Variants in RAB40C observed in about 807,000 individuals in gnomAD.
RAB40C encodes the protein RAB40C, member RAS oncogene family.
A neutral mutation model predicts 28.1 loss-of-function variants in RAB40C; 8 were observed. The ratio of observed to expected loss-of-function variants is 0.28; its 90% CI spans 0.17 to 0.51. The LOEUF (loss-of-function observed/expected upper bound fraction) is 0.51, where lower values mean the gene tolerates loss of function less well. Ranked by LOEUF, RAB40C falls within the 20% of genes least tolerant of loss-of-function variation. The pLI is 0.97. For missense variants in RAB40C, 288 were observed against 405.9 expected, an observed-to-expected ratio of 0.71 and a Z score of 2.50; for synonymous variants, 201 against 171.7, an observed-to-expected ratio of 1.17 and a Z score of -1.34.
At chr16:618,832 C>T (rs1277508737) in intron 3 of RAB40C, among the ~76,000 whole-genome samples, 4 of 109,148 alleles carry the variant, frequency 3.7e-5, no homozygotes. Flanking sequence ...TGGGTGCACT[C>T]GGCCATGTGT....
intron 3 of RAB40C, among the ~76,000 whole-genome samples, chr16:622,796 G>A (rs1346946007): frequency 6.6e-6 from 1 of 152,182 alleles, no homozygotes; most frequent in African/African-American, 2.4e-5. Context: ...GAGCCACGGC[G>A]CCTGGCCGAA....
chr16:604,825 C>T (rs2036326911), intron 1 of RAB40C, among the ~76,000 whole-genome samples: 1 of 152,068 alleles, frequency 6.6e-6, no homozygotes, highest in Non-Finnish European at 1.5e-5. Flanking sequence ...TTTGGGAGGC[C>T]GAGGCAGGCA....
chr16:618,028 C>T (rs1184646531), intron 2 of RAB40C, among the ~76,000 whole-genome samples, 172 bp from the exon 3 acceptor site: 3 of 152,146 alleles, frequency 2.0e-5, no homozygotes, highest in South Asian at 2.1e-4. Flanking sequence ...AGCGGCACGG[C>T]GCCAGGCTGC....
chr16:596,592 G>A (rs2036130369), intron 1 of RAB40C: 2 of 321,598 alleles, frequency 6.2e-6, no homozygotes, highest in Admixed American at 4.7e-5. Context: ...ACCACTGTGA[G>A]AAGGCGGGGA....
intron 1 of RAB40C, 85 bp downstream of exon 1, chr16:590,518 T>G: frequency 7.3e-7 from 1 of 1,372,914 alleles, no homozygotes. Context: ...GCCCGGCCCT[T>G]CCAAGCGCCG....
Position 618,254 on chromosome 16 carries a change from C to T in RAB40C, c.258C>T (p.Gly86=), listed in dbSNP as rs369597956. ...CCATCTTCAGGTCCTACTCCAGGGG[C>T]GCTCAGGTAAGACCAGCACCGCTCT... ...FCTIFRSYSR[G]AQGILLVYDI... is the part of the protein sequence containing the mutation. The change falls in exon 3 of 6, where the codon GGC becomes GGT. Residue 86 remains glycine, a synonymous_variant. Coordinates refer to ENST00000248139, the MANE Select transcript of RAB40C (RefSeq NM_021168.5). 4.1e-5 allele frequency: 66 copies of T among 1,613,014 alleles called. No individual in the cohort carries two copies. In the African/African-American group the frequency reaches 6.5e-4, roughly 16 times the overall value.
At chr16:618,400 T>A in intron 3 of RAB40C, 140 bp downstream of exon 3, 1 of 941,618 alleles carries the variant, frequency 1.1e-6, no homozygotes, top group Non-Finnish European at 1.5e-6. Flanking sequence ...TGTTTATTTG[T>A]TTGTTTTGAG....
intron 1 of RAB40C, among the ~76,000 whole-genome samples, chr16:596,617 C>G (rs1259573714): frequency 1.3e-5 from 2 of 152,246 alleles, no homozygotes; most frequent in African/African-American, 4.8e-5. Flanking sequence ...GCTTGTCAGG[C>G]TGAGCTGACT....
intron 1 of RAB40C, among the ~76,000 whole-genome samples, chr16:614,031 C>G (rs1330462746): frequency 6.6e-6 from 1 of 152,168 alleles, no homozygotes; most frequent in Admixed American, 6.5e-5. Context: ...AACTGCCTAA[C>G]TCTACCGCGT....
At chr16:592,737 G>T (rs1487942500) in intron 1 of RAB40C, among the ~76,000 whole-genome samples, 1 of 152,244 alleles carries the variant, frequency 6.6e-6, no homozygotes, top group African/African-American at 2.4e-5. Flanking sequence ...TTCATCAATC[G>T]GTGTTTTCCC....
At chr16:615,983 T>C (rs2151074826) in intron 1 of RAB40C, among the ~76,000 whole-genome samples, 1 of 151,336 alleles carries the variant, frequency 6.6e-6, no homozygotes, top group East Asian at 2.0e-4. Flanking sequence ...AAAGGCCGGG[T>C]GCAGTGGCTC....
At chr16:622,944 C>T (rs746224969) in intron 3 of RAB40C, among the ~76,000 whole-genome samples, 4 of 152,188 alleles carry the variant, frequency 2.6e-5, no homozygotes, top group Non-Finnish European at 5.9e-5. Flanking sequence ...TGCTGGTCAC[C>T]GAGAGTCTCC....
In RAB40C at chr16:590,189, C is replaced by T; in HGVS notation, c.-103C>T. 4.6e-6 allele frequency: 4 copies of T among 875,432 alleles called. No individual in the cohort carries two copies. Among genetic ancestry groups the T allele is most frequent in the Non-Finnish European group, 5.6e-6 (4 of 713,694 alleles). The allele number at this position is 875,432 out of a possible 1,614,324, so 54.2% of individuals were successfully genotyped here. The stretch of plus-strand genomic sequence containing the variant: ...GCGCGCCCACTCGGCCGCCGTGGGG[C>T]GGACGCAACGGGCGCAGGTGCGGGG... On this transcript the variant is annotated 5_prime_UTR_variant, in exon 1 of 6. Coordinates refer to ENST00000248139, the MANE Select transcript of RAB40C (RefSeq NM_021168.5).
intron 3 of RAB40C, among the ~76,000 whole-genome samples, chr16:621,998 A>G (rs1024934708): frequency 2.0e-5 from 3 of 152,154 alleles, no homozygotes; most frequent in Non-Finnish European, 2.9e-5. Context: ...GCCTGGGTGC[A>G]GGGATGCAGG....
chr16:617,151 C>T (rs578202840), intron 1 of RAB40C, 57 bp from the exon 2 acceptor site: 60 of 1,586,544 alleles, frequency 3.8e-5, no homozygotes, highest in Non-Finnish European at 4.8e-5. Context: ...AGGCTGGTCT[C>T]GCGGGCGCTC....
intron 3 of RAB40C, among the ~76,000 whole-genome samples, chr16:620,778 C>T (rs1308848824): frequency 8.7e-6 from 1 of 115,300 alleles, no homozygotes; most frequent in South Asian, 3.2e-4. Context: ...CGGGCTCCAC[C>T]GCGGGCATCC....
chr16:617,123 C>T, intron 1 of RAB40C, 85 bp from the exon 2 acceptor site: 1 of 1,435,732 alleles, frequency 7.0e-7, no homozygotes, highest in Non-Finnish European at 9.8e-7. Flanking sequence ...GGTCTTGGCC[C>T]TGGGAGGCCA....
intron 3 of RAB40C, among the ~76,000 whole-genome samples, chr16:620,693 C>CG (rs1330795287): frequency 1.3e-4 from 11 of 82,658 alleles, no homozygotes; most frequent in Non-Finnish European, 1.4e-4. Flanking sequence ...CCCAGCCCCC[C>CG]CCGATGGGCT....
At chr16:618,459 G>A (rs1047520589) in intron 3 of RAB40C, among the ~76,000 whole-genome samples, 199 bp downstream of exon 3, 4 of 152,206 alleles carry the variant, frequency 2.6e-5, no homozygotes, top group South Asian at 2.1e-4. Context: ...GCACAGTCTC[G>A]GCTCACTGCA....
Sources: allele counts gnomAD v4.1 joint callset (sites outside exome capture counted in the v4.1 genomes callset), GRCh38; gene constraint gnomAD v4.1.1; transcripts MANE v1.5; gene names NCBI Gene and HGNC (gene_info 2026-07-23, HGNC 2026-07-21).